The following CACNG5 variants were observed in gnomAD, a reference collection of about 807,000 sequenced individuals.
CACNG5 encodes calcium voltage-gated channel auxiliary subunit gamma 5, also known as voltage-dependent calcium channel gamma-5 subunit.
CACNG5 carries 18 observed loss-of-function variants against 24.8 expected under a neutral mutation model. The ratio of observed to expected loss-of-function variants is 0.73; its 90% CI spans 0.50 to 1.08. The LOEUF (loss-of-function observed/expected upper bound fraction) is 1.08, where lower values mean the gene tolerates loss of function less well. CACNG5 is among the 50% of genes least tolerant of loss of function. CACNG5 has a pLI of 0.00. For missense variants in CACNG5, 349 were observed against 367.9 expected (o/e 0.95, Z 0.42); for synonymous variants, 157 against 149.1 (o/e 1.05, Z -0.39).
intron 1 of CACNG5, among the ~76,000 whole-genome samples, chr17:66,865,046 C>A (rs1472113742): frequency 6.6e-6 from 1 of 152,186 alleles, no homozygotes; most frequent in African/African-American, 2.4e-5. Context: ...CAGGCATGAG[C>A]CACCATGCCT....
chr17:66,839,657 G>A (rs974416815), intron 1 of CACNG5, among the ~76,000 whole-genome samples: 2 of 88,508 alleles, frequency 2.3e-5, no homozygotes, highest in Non-Finnish European at 4.2e-5. Context: ...AAGAGAAAAT[G>A]GAGGAACATG....
At chr17:66,867,223 A>T (rs1274941937) in intron 1 of CACNG5, among the ~76,000 whole-genome samples, 1 of 152,122 alleles carries the variant, frequency 6.6e-6, no homozygotes, top group Non-Finnish European at 1.5e-5. Flanking sequence ...GTGATCAGTG[A>T]TGTTGAGTTT....
rs906370720 is a variant in CACNG5 at position 66,889,176 on chromosome 17, G to A, written c.*3936G>A. 6.6e-6 allele frequency among the ~76,000 whole-genome samples: 1 copy of A among 152,158 alleles called. No individual in the cohort carries two copies. Among genetic ancestry groups the A allele is most frequent in the African/African-American group, 2.4e-5 (1 of 41,436 alleles). On this transcript the variant is annotated 3_prime_UTR_variant, in exon 6 of 6. Transcript: ENST00000533854. ...GGGTTTCCCCATGTTGGCCACGTTG[G>A]TCTTGAACTCCTGACCTCAAGTGAT... is the stretch of plus-strand genomic sequence containing the variant.
At chr17:66,841,227 A>G (rs549046345) in intron 1 of CACNG5, among the ~76,000 whole-genome samples, 5 of 152,178 alleles carry the variant, frequency 3.3e-5, no homozygotes, top group Non-Finnish European at 7.4e-5. Context: ...CTTCCAGGTC[A>G]CAGGTAGGTG....
At position 66,894,503 on chromosome 17, in the gene CACNG5, C is replaced by T. The variant is rs993591868; in HGVS notation, c.*9263C>T. Among the ~76,000 whole-genome samples the T allele has an allele frequency of 1.3e-5, 2 of 152,032 alleles. No individual in the cohort carries two copies. The highest frequency in any genetic ancestry group is 4.8e-5 in the African/African-American group (2 of 41,378). On this transcript the variant is annotated 3_prime_UTR_variant, in exon 6 of 6. Coordinates refer to ENST00000533854, the MANE Select transcript of CACNG5 (RefSeq NM_145811.3). The stretch of plus-strand genomic sequence containing the variant: ...CTCCGGTGTGATTTCATTTTATTTG[C>T]TTTGAATCCTAGTGCAGAATCTGAG...
rs190448395 is a variant in CACNG5, at chr17:66,865,366, G to A, written c.-103-11864G>A. Among the ~76,000 whole-genome samples the A allele has an allele frequency of 2.8e-3, 422 of 151,662 alleles. 1 individual carries two copies. Among genetic ancestry groups the A allele is most frequent in the Middle Eastern group, 0.014 (4 of 294 alleles). On this transcript the variant is annotated intron_variant, in intron 1 of 5. Transcript: ENST00000533854. Reference sequence around the variant, plus strand: ...CCCCAGAAAATTTCAAATCGCTGATGTAAGACATTCTGCTTTACATAGGAG... The same window carrying A: ...CCCCAGAAAATTTCAAATCGCTGATATAAGACATTCTGCTTTACATAGGAG...
chr17:66,876,874 T>C (rs1252875092), intron 1 of CACNG5, among the ~76,000 whole-genome samples: 1 of 152,196 alleles, frequency 6.6e-6, no homozygotes, highest in Non-Finnish European at 1.5e-5. Context: ...AGGTCGCATT[T>C]AATTGCTTTG....
chr17:66,858,550 C>G (rs1174349719), intron 1 of CACNG5, among the ~76,000 whole-genome samples: 1 of 152,164 alleles, frequency 6.6e-6, no homozygotes, highest in Non-Finnish European at 1.5e-5. Context: ...GAGCGGCAAG[C>G]AGGAGGGGTG....
intron 1 of CACNG5, among the ~76,000 whole-genome samples, chr17:66,876,757 A>G: frequency 6.6e-6 from 1 of 152,152 alleles, no homozygotes; most frequent in Middle Eastern, 3.2e-3. Flanking sequence ...CACAGAGACT[A>G]TTTGAGCCTC....
intron 1 of CACNG5, among the ~76,000 whole-genome samples, chr17:66,838,835 C>T (rs1053642459): frequency 4.0e-5 from 6 of 151,892 alleles, no homozygotes; most frequent in Non-Finnish European, 7.4e-5. Context: ...GTATTATTGG[C>T]ATTTGGGGCT....
intron 1 of CACNG5, among the ~76,000 whole-genome samples, chr17:66,864,059 C>T (rs919610814): frequency 2.0e-5 from 3 of 152,198 alleles, no homozygotes; most frequent in Admixed American, 2.0e-4. Context: ...GCATTGTCAT[C>T]TTCCCCAAGG....
rs887186959 is a variant in CACNG5, at chr17:66,835,179, A to ACCTCCCGCCCCGCGCGCCC, written c.-174_-156dup. On this transcript the variant is annotated 5_prime_UTR_variant, in exon 1 of 6. Transcript: ENST00000533854. Reference sequence around the variant, plus strand: ...GGCGTCCCGGGCAGCCTAGCGCGGTACCTCCCGCCCCGCGCGCCCAGCCGG... The same window carrying ACCTCCCGCCCCGCGCGCCC: ...GGCGTCCCGGGCAGCCTAGCGCGGTACCTCCCGCCCCGCGCGCCCCCTCCCGCCCCGCGCGCCCAGCCGG... 1.3e-5 allele frequency: 2 copies of ACCTCCCGCCCCGCGCGCCC among 151,990 alleles called. No individual in the cohort carries two copies. Among genetic ancestry groups the ACCTCCCGCCCCGCGCGCCC allele is most frequent in the African/African-American group, 4.8e-5 (2 of 41,378 alleles). The allele number at this position is 151,990 out of a possible 1,614,324, so 9.4% of individuals were successfully genotyped here.
At chr17:66,873,075 C>T (rs1977032313) in intron 1 of CACNG5, among the ~76,000 whole-genome samples, 1 of 152,132 alleles carries the variant, frequency 6.6e-6, no homozygotes, top group Non-Finnish European at 1.5e-5. Flanking sequence ...CTGTAGGCTA[C>T]TCCACATCTC....
chr17:66,889,630 G>A lies in CACNG5; in HGVS notation c.*4390G>A, dbSNP rs1219697387. Among the ~76,000 whole-genome samples the A allele has an allele frequency of 4.6e-5, 7 of 152,166 alleles. No homozygotes were observed. Among genetic ancestry groups the A allele is most frequent in the African/African-American group, 1.7e-4 (7 of 41,438 alleles). The stretch of plus-strand genomic sequence containing the variant: ...TCTGATGGCAGAGGCTGGTTGGGCT[G>A]GAGACCCGGTGAGGACTTGCAGTTC... On this transcript the variant is annotated 3_prime_UTR_variant, in exon 6 of 6. Transcript: ENST00000533854.
Position 66,885,726 on chromosome 17 carries a change from G to A in CACNG5, c.*486G>A, listed in dbSNP as rs944165792. On this transcript the variant is annotated 3_prime_UTR_variant, in exon 6 of 6. Coordinates refer to ENST00000533854, the MANE Select transcript of CACNG5 (RefSeq NM_145811.3). ...GGCCGAAAGGTGACTCTGATATAGA[G>A]GTCTGGCTGACTTAGACATGTCAAG... Among the ~76,000 whole-genome samples, 10 of 152,224 alleles carry A rather than the reference G, an allele frequency of 6.6e-5. No homozygotes were observed. Among genetic ancestry groups the A allele is most frequent in the Non-Finnish European group, 1.3e-4 (9 of 68,048 alleles).
chr17:66,847,026 C>T (rs984702128), intron 1 of CACNG5, among the ~76,000 whole-genome samples: 5 of 152,248 alleles, frequency 3.3e-5, no homozygotes, highest in African/African-American at 1.2e-4. Flanking sequence ...TCAAAAGCTA[C>T]ACACCTGCTT....
intron 1 of CACNG5, among the ~76,000 whole-genome samples, chr17:66,857,102 C>G (rs1342130090): frequency 8.7e-6 from 1 of 114,442 alleles, no homozygotes; most frequent in East Asian, 2.9e-4. Context: ...TAAGGTCTCA[C>G]TCTGTCACCC....
intron 1 of CACNG5, among the ~76,000 whole-genome samples, chr17:66,874,776 T>C (rs1200634380): frequency 6.6e-6 from 1 of 152,188 alleles, no homozygotes; most frequent in Admixed American, 6.5e-5. Context: ...CATGGATCTT[T>C]AGTGGCACGG....
chr17:66,879,370 G>A (rs1212691744), intron 3 of CACNG5, among the ~76,000 whole-genome samples: 1 of 150,258 alleles, frequency 6.7e-6, no homozygotes, highest in Non-Finnish European at 1.5e-5. Context: ...TTGCAATATT[G>A]CAATGCAATT....
Sources: allele counts gnomAD v4.1 joint callset (sites outside exome capture counted in the v4.1 genomes callset), GRCh38; gene constraint gnomAD v4.1.1; transcripts MANE v1.5; gene names NCBI Gene and HGNC (gene_info 2026-07-23, HGNC 2026-07-21).